LRBA: variants seen among roughly 807,000 people sequenced by gnomAD.
LRBA encodes LPS responsive beige-like anchor protein, also known as lipopolysaccharide-responsive and beige-like anchor protein.
LRBA carries 176 observed loss-of-function variants against 330.0 expected under a neutral mutation model. The ratio of observed to expected loss-of-function variants is 0.53; its 90% confidence interval spans 0.47 to 0.60. The LOEUF (loss-of-function observed/expected upper bound fraction) is 0.60, where lower values mean the gene tolerates loss of function less well. Among genes scored for constraint, LRBA ranks in the 20% least tolerant of loss-of-function variants. LRBA has a pLI of 0.00. For synonymous variants in LRBA, 1,230 were observed against 1,193.0 expected (o/e 1.03, Z -0.64); for missense variants, 3,259 against 3,444.8 (o/e 0.95, Z 1.35).
intron 16 of LRBA, among the ~76,000 whole-genome samples, chr4:150,895,360 G>C (rs1729947931): frequency 6.6e-6 from 1 of 151,868 alleles, no homozygotes; most frequent in Non-Finnish European, 1.5e-5. Flanking sequence ...GTATACATGT[G>C]CCATGTTGGT....
chr4:150,954,877 G>A (rs1273127614), intron 2 of LRBA, among the ~76,000 whole-genome samples: 4 of 140,398 alleles, frequency 2.8e-5, no homozygotes, highest in Non-Finnish European at 6.0e-5. Context: ...TGACCATAAG[G>A]GAATAAAACT....
intron 47 of LRBA, among the ~76,000 whole-genome samples, chr4:150,386,280 AAAT>A (rs1743044951): frequency 6.6e-6 from 1 of 152,162 alleles, no homozygotes; most frequent in Non-Finnish European, 1.5e-5. Context: ...AATGTTTTCT[AAAT>A]ATTATTTCAT....
chr4:150,273,262 G>C (rs891767692), intron 56 of LRBA, among the ~76,000 whole-genome samples: 2 of 152,258 alleles, frequency 1.3e-5, no homozygotes, highest in Non-Finnish European at 2.9e-5. Context: ...AGCAAGTGTT[G>C]AGACATTTAG....
chr4:150,844,135 T>C lies in LRBA; in HGVS notation c.4534A>G (p.Ile1512Val), dbSNP rs146443295. 22 of 1,611,818 alleles carry C rather than the reference T, an allele frequency of 1.4e-5. No homozygotes were observed. In the South Asian group the frequency reaches 2.0e-4, roughly 15 times the overall value. Reference protein sequence around the residue: ...DLDRLLQDMDINRLRAVVFRD... With the variant: ...DLDRLLQDMDVNRLRAVVFRD... ...AAAACAACTGCCCTAAGCCGATTAA[T>C]ATCCATGTCCTGTAGAAGCCTGTCA... is the stretch of plus-strand genomic sequence containing the variant. Residue 1512 changes from isoleucine to valine, a missense_variant, in exon 28 of 57, where the codon ATT becomes GTT. By Grantham distance (29) the Ile-to-Val change is conservative. Coordinates refer to ENST00000651943, the MANE Select transcript of LRBA (RefSeq NM_001364905.1).
intron 28 of LRBA, among the ~76,000 whole-genome samples, chr4:150,835,285 C>G (rs1345961631): frequency 6.6e-6 from 1 of 152,112 alleles, no homozygotes; most frequent in Non-Finnish European, 1.5e-5. Context: ...ATTGGAAATG[C>G]AGGCTCTTTT....
chr4:150,333,302 C>CT (rs911165110), intron 48 of LRBA, among the ~76,000 whole-genome samples: 5 of 151,592 alleles, frequency 3.3e-5, no homozygotes, highest in African/African-American at 9.7e-5. Context: ...TATATATGCC[C>CT]TTTTTTTTAA....
At chr4:150,299,745 T>C (rs1729414416) in intron 53 of LRBA, among the ~76,000 whole-genome samples, 1 of 151,966 alleles carries the variant, frequency 6.6e-6, no homozygotes, top group Admixed American at 6.6e-5. Context: ...GATAGACCTA[T>C]AAAATGCAGA....
At chr4:150,588,486 A>G (rs1483916573) in intron 39 of LRBA, among the ~76,000 whole-genome samples, 1 of 152,170 alleles carries the variant, frequency 6.6e-6, no homozygotes, top group Non-Finnish European at 1.5e-5. Flanking sequence ...GCTCTGCCTA[A>G]ATAAGTCCAT....
At chr4:150,481,014 G>A (rs1347124919) in intron 42 of LRBA, among the ~76,000 whole-genome samples, 1 of 152,024 alleles carries the variant, frequency 6.6e-6, no homozygotes, top group East Asian at 1.9e-4. Flanking sequence ...TGATCCTCGA[G>A]TATCCACTGT....
At chr4:151,010,882 T>C in intron 2 of LRBA, among the ~76,000 whole-genome samples, 1 of 119,002 alleles carries the variant, frequency 8.4e-6, no homozygotes, top group African/African-American at 3.4e-5. Context: ...AGACTCCCTC[T>C]CAATTAAAAA....
chr4:150,301,770 T>C (rs1729708799), intron 53 of LRBA, among the ~76,000 whole-genome samples: 1 of 152,150 alleles, frequency 6.6e-6, no homozygotes, highest in South Asian at 2.1e-4. Context: ...GATCCTTCCT[T>C]AACCAAATAC....
At chr4:150,268,416 T>G (rs1745644703) in intron 56 of LRBA, among the ~76,000 whole-genome samples, 1 of 152,138 alleles carries the variant, frequency 6.6e-6, no homozygotes, top group Non-Finnish European at 1.5e-5. Context: ...CCAGAACACT[T>G]CCTAAGTGAT....
At chr4:150,915,063 G>A (rs966458454) in intron 8 of LRBA, among the ~76,000 whole-genome samples, 20 of 152,238 alleles carry the variant, frequency 1.3e-4, no homozygotes, top group African/African-American at 4.3e-4. Flanking sequence ...GTATATATGT[G>A]TAGCAAAGGA....
chr4:150,812,107 C>T (rs564825722), intron 31 of LRBA, among the ~76,000 whole-genome samples: 2 of 152,270 alleles, frequency 1.3e-5, no homozygotes, highest in South Asian at 4.2e-4. Flanking sequence ...GGTTGTCCTC[C>T]ATTCCTGCTG....
At chr4:150,986,109 T>C (rs746003401) in intron 2 of LRBA, among the ~76,000 whole-genome samples, 10 of 152,198 alleles carry the variant, frequency 6.6e-5, no homozygotes, top group Non-Finnish European at 1.3e-4. Flanking sequence ...CAATGTAGAA[T>C]TGAACATAGT....
At chr4:150,845,231 A>G (rs72961861) in intron 26 of LRBA, among the ~76,000 whole-genome samples, 3,820 of 152,276 alleles carry the variant, frequency 0.025, 132 homozygotes, top group African/African-American at 0.082. Flanking sequence ...AAAGTAAATT[A>G]GTTAAACTGG....
intron 38 of LRBA, among the ~76,000 whole-genome samples, chr4:150,592,766 C>A (rs1773051121): frequency 6.6e-6 from 1 of 151,966 alleles, no homozygotes; most frequent in Non-Finnish European, 1.5e-5. Context: ...TGGCTGGGAC[C>A]ACAGGTGCTT....
chr4:150,941,391 T>G lies in LRBA; in HGVS notation c.217-12326A>C, dbSNP rs556647145. ...TGGTCTCAAACTCCTGACCTTGTGA[T>G]CCACCCACCTTGGCCTCCCAAAATG... On this transcript the variant is annotated intron_variant, in intron 2 of 56. Coordinates refer to ENST00000651943, the MANE Select transcript of LRBA (RefSeq NM_001364905.1). Among the ~76,000 whole-genome samples the G allele has an allele frequency of 5.9e-5, 9 of 152,160 alleles. 1 individual carries two copies. The South Asian group carries it at 1.9e-3, about 32-fold the overall frequency.
At chr4:150,270,578 C>G (rs560341397) in intron 56 of LRBA, among the ~76,000 whole-genome samples, 7 of 152,214 alleles carry the variant, frequency 4.6e-5, no homozygotes, top group African/African-American at 1.7e-4. Context: ...TGAAAAGGGT[C>G]TGGAAATGGA....
Sources: gnomAD v4.1 joint callset for allele counts (sites outside exome capture counted in the v4.1 genomes callset) on GRCh38, gnomAD v4.1.1 for gene constraint, MANE v1.5 for transcripts, NCBI Gene and HGNC (gene_info 2026-07-23, HGNC 2026-07-21) for gene names.